The following BLM variants were observed in gnomAD, a reference collection of about 807,000 sequenced individuals.
BLM encodes recQ-like DNA helicase BLM.
Under a neutral mutation model 135.3 loss-of-function variants are expected in BLM, and 95 were observed. That is an observed-to-expected ratio of 0.70 (90% CI 0.59 to 0.83). The LOEUF is 0.83. Among genes scored for constraint, BLM ranks in the 40% least tolerant of loss-of-function variants. BLM has a pLI of 0.00. For missense variants in BLM, 1,518 were observed against 1,663.9 expected (o/e 0.91, Z 1.53); for synonymous variants, 520 against 589.2 (o/e 0.88, Z 1.70).
At chr15:90,767,492 G>A (rs189029392) in intron 10 of BLM, among the ~76,000 whole-genome samples, 23 of 152,120 alleles carry the variant, frequency 1.5e-4, no homozygotes, top group Middle Eastern at 3.4e-3. Flanking sequence ...AATATCTTTC[G>A]TGATTTTGAA....
At chr15:90,786,095 A>T (rs894672575) in intron 14 of BLM, among the ~76,000 whole-genome samples, 4 of 149,404 alleles carry the variant, frequency 2.7e-5, no homozygotes, top group African/African-American at 4.9e-5. Flanking sequence ...ACCGTACCTC[A>T]AACAATCCTC....
chr15:90,800,852 A>G (rs749290170), intron 17 of BLM, among the ~76,000 whole-genome samples: 27 of 152,280 alleles, frequency 1.8e-4, no homozygotes, highest in Non-Finnish European at 2.6e-4. Context: ...CAAATATAAA[A>G]CAAAGGAAGT....
chr15:90,726,103 A>G (rs1352326108), intron 1 of BLM, among the ~76,000 whole-genome samples: 1 of 152,178 alleles, frequency 6.6e-6, no homozygotes, highest in Non-Finnish European at 1.5e-5. Context: ...GGTAATTAGC[A>G]TATCTATCAT....
intron 1 of BLM, among the ~76,000 whole-genome samples, chr15:90,740,579 ACT>A (rs1447644188): frequency 6.6e-5 from 10 of 151,838 alleles, no homozygotes; most frequent in Non-Finnish European, 1.2e-4. Flanking sequence ...CCCATTTTTC[ACT>A]CTTTCGCATA....
chr15:90,734,286 A>G (rs1260901910), intron 1 of BLM, among the ~76,000 whole-genome samples: 1 of 151,902 alleles, frequency 6.6e-6, no homozygotes, highest in African/African-American at 2.4e-5. Context: ...ATTGTAATCA[A>G]TACTTCTTTT....
Position 90,790,939 on chromosome 15 carries a change from T to G in BLM, c.3019+95T>G, listed in dbSNP as rs1197064988. On this transcript the variant is annotated intron_variant, in intron 15 of 21. Coordinates refer to ENST00000355112, the MANE Select transcript of BLM (RefSeq NM_000057.4). The stretch of plus-strand genomic sequence containing the variant: ...TGTGGTACTTCTGGTCCAGTTTTCC[T>G]TAAATAATCGTAGAAAAATAGAGGA... The G allele has an allele frequency of 1.0e-5, 13 of 1,274,420 alleles. No homozygotes were observed. In the Admixed American group the frequency reaches 1.8e-4, roughly 18 times the overall value. 78.9% of individuals were successfully genotyped at this position (1,274,420 alleles called of 1,614,324 possible). A position where few individuals can be genotyped will look rare whatever the true frequency, so the allele number is the denominator to read the frequency against.
At chr15:90,748,750 C>T (rs1248596248) in intron 2 of BLM, among the ~76,000 whole-genome samples, 2 of 151,300 alleles carry the variant, frequency 1.3e-5, no homozygotes, top group African/African-American at 2.4e-5. Flanking sequence ...GAATCTCTTC[C>T]GTTTTTCTTT....
At chr15:90,735,492 A>G (rs1341418575) in intron 1 of BLM, among the ~76,000 whole-genome samples, 2 of 151,894 alleles carry the variant, frequency 1.3e-5, no homozygotes, top group Non-Finnish European at 2.9e-5. Flanking sequence ...GTATAGACCA[A>G]TGGTATAGAA....
chr15:90,785,653 C>T (rs986154908), intron 14 of BLM, among the ~76,000 whole-genome samples: 34 of 151,708 alleles, frequency 2.2e-4, no homozygotes, highest in African/African-American at 8.2e-4. Context: ...AAGTGATTCT[C>T]CTGCCTCAGC....
chr15:90,765,546 G>A, intron 9 of BLM, 132 bp downstream of exon 9: 1 of 732,322 alleles, frequency 1.4e-6, no homozygotes, highest in Non-Finnish European at 2.3e-6. Context: ...CAGTTGAACA[G>A]AAGTCTGAAA....
chr15:90,754,680 T>C, intron 4 of BLM, 131 bp from the exon 5 acceptor site: 1 of 1,105,814 alleles, frequency 9.0e-7, no homozygotes, highest in African/African-American at 1.6e-5. Flanking sequence ...TTGAGGAAAT[T>C]TAAAAAACTA....
intron 12 of BLM, among the ~76,000 whole-genome samples, chr15:90,779,294 C>G (rs1896560694): frequency 6.8e-6 from 1 of 147,576 alleles, no homozygotes; most frequent in African/African-American, 2.5e-5. Flanking sequence ...TCCTCACCAA[C>G]ACTTGTTTTT....
chr15:90,764,461 A>C (rs1249891452), intron 8 of BLM, among the ~76,000 whole-genome samples: 1 of 151,472 alleles, frequency 6.6e-6, no homozygotes, highest in African/African-American at 2.4e-5. Context: ...AATCCCCCCC[A>C]CCTTAGCCTC....
chr15:90,742,450 G>A (rs1288368110), intron 1 of BLM, among the ~76,000 whole-genome samples: 2 of 152,074 alleles, frequency 1.3e-5, no homozygotes, highest in African/African-American at 2.4e-5. Flanking sequence ...GACTGAAATA[G>A]CCATCTTTGA....
chr15:90,805,678 C>T (rs572338781), intron 19 of BLM, among the ~76,000 whole-genome samples: 2 of 151,932 alleles, frequency 1.3e-5, no homozygotes, highest in East Asian at 2.0e-4. Context: ...ATCCCAGCTA[C>T]TTGGGAGACT....
intron 1 of BLM, among the ~76,000 whole-genome samples, chr15:90,744,020 G>A (rs1895436908): frequency 6.6e-6 from 1 of 152,178 alleles, no homozygotes; most frequent in African/African-American, 2.4e-5. Context: ...GTACTCCTGG[G>A]ATGGCTAAGT....
intron 12 of BLM, among the ~76,000 whole-genome samples, chr15:90,776,508 T>C (rs997141145): frequency 2.0e-5 from 3 of 152,160 alleles, no homozygotes; most frequent in African/African-American, 2.4e-5. Context: ...GATACGCTTT[T>C]CTAATAACTT....
chr15:90,738,964 A>G (rs1476557281), intron 1 of BLM, among the ~76,000 whole-genome samples: 1 of 152,246 alleles, frequency 6.6e-6, no homozygotes, highest in Admixed American at 6.5e-5. Flanking sequence ...TGATTCAGCA[A>G]TTCTCAAAAA....
At chr15:90,777,025 T>C (rs1896495591) in intron 12 of BLM, among the ~76,000 whole-genome samples, 1 of 152,172 alleles carries the variant, frequency 6.6e-6, no homozygotes, top group Non-Finnish European at 1.5e-5. Flanking sequence ...GTTTTGGAGA[T>C]GGGGTCTTAC....
Sources: allele counts gnomAD v4.1 joint callset (sites outside exome capture counted in the v4.1 genomes callset), GRCh38; gene constraint gnomAD v4.1.1; transcripts MANE v1.5; gene names NCBI Gene and HGNC (gene_info 2026-07-23, HGNC 2026-07-21).